Variants in SRGAP1 observed in about 807,000 individuals in gnomAD.
SRGAP1 encodes the protein SLIT-ROBO Rho GTPase activating protein 1, also known as SLIT-ROBO Rho GTPase-activating protein 1.
In SRGAP1, 43 loss-of-function variants were observed where a neutral mutation model predicts 121.9. The ratio of observed to expected loss-of-function variants is 0.35; its 90% CI spans 0.28 to 0.46. The LOEUF is 0.46. Among genes scored for constraint, SRGAP1 ranks in the 20% least tolerant of loss-of-function variants. The pLI is 1.00. For synonymous variants in SRGAP1, 447 were observed against 485.4 expected, an observed-to-expected ratio of 0.92 and a Z score of 1.04; for missense variants, 1,102 against 1,350.9, an observed-to-expected ratio of 0.82 and a Z score of 2.89.
chr12:63,848,807 G>T (rs547304956), intron 1 of SRGAP1, among the ~76,000 whole-genome samples: 3 of 152,238 alleles, frequency 2.0e-5, no homozygotes, highest in African/African-American at 7.2e-5. Context: ...AAAGTTTTCA[G>T]TTGGCTGCTC....
chr12:64,059,979 T>C (rs1565661777), intron 6 of SRGAP1, among the ~76,000 whole-genome samples: 1 of 151,964 alleles, frequency 6.6e-6, no homozygotes, highest in African/African-American at 2.4e-5. Flanking sequence ...CTTGGGGAAA[T>C]AGCACCCCCA....
chr12:63,875,933 T>C (rs1437894874), intron 1 of SRGAP1, among the ~76,000 whole-genome samples: 1 of 152,258 alleles, frequency 6.6e-6, no homozygotes, highest in African/African-American at 2.4e-5. Flanking sequence ...AGTAATGTGC[T>C]GACAGCAGTG....
intron 8 of SRGAP1, among the ~76,000 whole-genome samples, chr12:64,070,924 T>G (rs1165646251): frequency 6.6e-6 from 1 of 152,164 alleles, no homozygotes; most frequent in African/African-American, 2.4e-5. Context: ...TCAAGTTCTT[T>G]TGAGACTTGA....
intron 1 of SRGAP1, among the ~76,000 whole-genome samples, chr12:63,904,779 TA>T: frequency 6.6e-6 from 1 of 152,134 alleles, no homozygotes; most frequent in Admixed American, 6.5e-5. Context: ...AAATATGTTT[TA>T]AAAAATTAGC....
At chr12:64,042,330 A>G (rs2035042418) in intron 4 of SRGAP1, among the ~76,000 whole-genome samples, 1 of 152,106 alleles carries the variant, frequency 6.6e-6, no homozygotes, top group South Asian at 2.1e-4. Flanking sequence ...CTATGTATGA[A>G]CCTTAATATT....
At chr12:64,048,737 A>G (rs1335446311) in intron 6 of SRGAP1, among the ~76,000 whole-genome samples, 1 of 152,112 alleles carries the variant, frequency 6.6e-6, no homozygotes, top group Non-Finnish European at 1.5e-5. Flanking sequence ...TTTGATTTGC[A>G]TCTCTCTGAT....
At chr12:64,035,616 C>T (rs1163908158) in intron 4 of SRGAP1, among the ~76,000 whole-genome samples, 2 of 152,118 alleles carry the variant, frequency 1.3e-5, no homozygotes, top group Non-Finnish European at 2.9e-5. Flanking sequence ...TGTAGACAGG[C>T]CAAAAGCATT....
chr12:64,125,711 A>G (rs527884409), intron 18 of SRGAP1, among the ~76,000 whole-genome samples: 4 of 152,210 alleles, frequency 2.6e-5, no homozygotes, highest in East Asian at 3.9e-4. Flanking sequence ...GACTGTCATT[A>G]TATCTCTAGT....
intron 1 of SRGAP1, among the ~76,000 whole-genome samples, chr12:63,895,907 G>A (rs888015414): frequency 1.3e-5 from 2 of 152,124 alleles, no homozygotes; most frequent in African/African-American, 4.8e-5. Context: ...AATCAGCTGT[G>A]CCTTTATTCT....
intron 14 of SRGAP1, among the ~76,000 whole-genome samples, chr12:64,095,901 A>G (rs2036146342): frequency 6.6e-6 from 1 of 152,196 alleles, no homozygotes. Context: ...CAATTAGCAC[A>G]TTATAATTAG....
At chr12:63,846,855 G>A (rs1898918575) in intron 1 of SRGAP1, among the ~76,000 whole-genome samples, 1 of 152,160 alleles carries the variant, frequency 6.6e-6, no homozygotes, top group Non-Finnish European at 1.5e-5. Flanking sequence ...GCATTAAATG[G>A]CACAAATTCA....
chr12:63,945,209 G>T (rs561381155), intron 1 of SRGAP1, among the ~76,000 whole-genome samples: 1 of 151,506 alleles, frequency 6.6e-6, no homozygotes, highest in Admixed American at 6.6e-5. Flanking sequence ...TTAATGAATG[G>T]TTCTTCTCAG....
intron 4 of SRGAP1, among the ~76,000 whole-genome samples, chr12:64,031,317 C>CA (rs578019090): frequency 0.31 from 29,889 of 95,618 alleles, 4,204 homozygotes; most frequent in African/African-American, 0.37. Flanking sequence ...GACTCTGTCT[C>CA]AAAAAAAAAA....
At chr12:63,973,849 A>T (rs1176463533) in intron 1 of SRGAP1, among the ~76,000 whole-genome samples, 1 of 152,188 alleles carries the variant, frequency 6.6e-6, no homozygotes, top group Non-Finnish European at 1.5e-5. Context: ...TATATATTCC[A>T]TGAAACTTCA....
intron 1 of SRGAP1, among the ~76,000 whole-genome samples, chr12:63,910,169 G>A (rs1455882525): frequency 6.6e-6 from 1 of 152,182 alleles, no homozygotes; most frequent in Non-Finnish European, 1.5e-5. Context: ...ATCAATTGAT[G>A]TTTTACAAAT....
intron 8 of SRGAP1, among the ~76,000 whole-genome samples, chr12:64,071,619 C>T (rs955182812): frequency 7.9e-5 from 12 of 152,128 alleles, no homozygotes; most frequent in Non-Finnish European, 1.3e-4. Context: ...CCTCATGGGT[C>T]ATTAAATCAG....
chr12:64,042,910 C>A lies in SRGAP1; in HGVS notation c.610C>A (p.Arg204=). The change falls in exon 5 of 22, where the codon CGA becomes AGA. Residue 204 remains arginine, a synonymous_variant. Coordinates refer to ENST00000355086, the MANE Select transcript of SRGAP1 (RefSeq NM_020762.4). ...GRSGDPVFHI[R]LEERHQRRSS... is the part of the protein sequence containing the mutation. ...ATCTGGTGATCCAGTCTTCCATATTCGACTAGAGGAGAGACATCAACGGCG... is the reference window on the plus strand; with the variant it reads ...ATCTGGTGATCCAGTCTTCCATATTAGACTAGAGGAGAGACATCAACGGCG... The A allele has an allele frequency of 1.9e-6, 3 of 1,613,556 alleles. No individual in the cohort carries two copies. Among genetic ancestry groups the A allele is most frequent in the Non-Finnish European group, 2.5e-6 (3 of 1,179,752 alleles).
intron 1 of SRGAP1, among the ~76,000 whole-genome samples, chr12:63,898,733 A>C (rs948505270): frequency 2.6e-5 from 4 of 152,196 alleles, no homozygotes; most frequent in African/African-American, 9.6e-5. Context: ...ATTTTAGTTA[A>C]TTTCTATAGT....
intron 8 of SRGAP1, among the ~76,000 whole-genome samples, chr12:64,066,778 T>C (rs1190386867): frequency 6.6e-6 from 1 of 152,192 alleles, no homozygotes; most frequent in Admixed American, 6.5e-5. Context: ...ATTGCTCACC[T>C]TGAGGCAGCG....
Sources: gnomAD v4.1 joint callset for allele counts (sites outside exome capture counted in the v4.1 genomes callset) on GRCh38, gnomAD v4.1.1 for gene constraint, MANE v1.5 for transcripts, NCBI Gene and HGNC (gene_info 2026-07-23, HGNC 2026-07-21) for gene names.